PUS10: variants seen among roughly 807,000 people sequenced by gnomAD.
PUS10 encodes tRNA pseudouridine synthase Pus10.
In PUS10, 59 loss-of-function variants were observed where a neutral mutation model predicts 75.0. That is an observed-to-expected ratio of 0.79 (90% confidence interval 0.64 to 0.98). PUS10 has a LOEUF of 0.98. Among genes scored for constraint, PUS10 ranks in the 50% least tolerant of loss-of-function variants. PUS10 has a pLI of 0.00. For synonymous variants in PUS10, 219 were observed against 211.6 expected (o/e 1.03, Z -0.30); for missense variants, 650 against 614.4 (o/e 1.06, Z -0.61).
rs557908402 is a variant in PUS10, at chr2:61,013,477, T to G, written c.-15-1572A>C. On this transcript the variant is annotated intron_variant, in intron 1 of 17. Coordinates refer to ENST00000316752, the MANE Select transcript of PUS10 (RefSeq NM_144709.4). The stretch of plus-strand genomic sequence containing the variant: ...ATATTTCTATGTGCCATCCATACTT[T>G]GATGAACCTAAGCATAAAAATGGAC... Among the ~76,000 whole-genome samples, 13 of 152,320 alleles carry G rather than the reference T, an allele frequency of 8.5e-5. No homozygotes were observed. In the South Asian group the frequency reaches 2.5e-3, roughly 29 times the overall value.
intron 17 of PUS10, 28 bp downstream of exon 17, chr2:60,944,981 A>C (rs371267966): frequency 1.3e-6 from 2 of 1,534,730 alleles, no homozygotes; most frequent in South Asian, 2.2e-5. Context: ...CAATTTGCCA[A>C]TGTGCATTCC....
intron 4 of PUS10, 149 bp from the exon 5 acceptor site, chr2:60,971,706 T>C: frequency 1.4e-6 from 1 of 723,358 alleles, no homozygotes; most frequent in East Asian, 2.5e-5. Flanking sequence ...AATTTACCAG[T>C]GACCTCAGTC....
intron 5 of PUS10, 71 bp downstream of exon 5, chr2:60,971,452 G>A (rs1274678024): frequency 7.3e-7 from 1 of 1,371,398 alleles, no homozygotes; most frequent in East Asian, 2.3e-5. Flanking sequence ...GATTGTAGTA[G>A]TAAAAGTGCT....
At chr2:60,974,932 G>A (rs574865155) in intron 4 of PUS10, among the ~76,000 whole-genome samples, 4 of 152,306 alleles carry the variant, frequency 2.6e-5, no homozygotes, top group South Asian at 2.1e-4. Context: ...GGGCAAAGAC[G>A]CCACTGTCCA....
chr2:60,988,795 C>T (rs548643123), intron 4 of PUS10, among the ~76,000 whole-genome samples: 252 of 151,624 alleles, frequency 1.7e-3, no homozygotes, highest in South Asian at 6.2e-3. Flanking sequence ...GCCACCATAC[C>T]GGGTTAATTT....
intron 15 of PUS10, among the ~76,000 whole-genome samples, chr2:60,952,214 A>G (rs1369309298): frequency 4.0e-5 from 6 of 151,754 alleles, no homozygotes; most frequent in Non-Finnish European, 8.8e-5. Context: ...GGCGCCTATA[A>G]TCTCCGCTAC....
In PUS10 at chr2:60,948,066, G is replaced by C; in HGVS notation, c.1428C>G (p.Leu476=). The C allele has an allele frequency of 6.2e-7, 1 of 1,614,128 alleles. No individual in the cohort carries two copies. The highest frequency in any genetic ancestry group is 8.5e-7 in the Non-Finnish European group (1 of 1,180,004). ...TQYVDEHHFR[L]HLKTQAGTYI... The stretch of plus-strand genomic sequence containing the variant: ...ACGTGCCAGCCTGAGTTTTCAAGTG[G>C]AGGCGGAAGTGGTGCTCATCCACGT... Residue 476 remains leucine (L), a synonymous_variant, in exon 16 of 18, where the codon CTC becomes CTG. Coordinates refer to ENST00000316752, the MANE Select transcript of PUS10 (RefSeq NM_144709.4).
rs77622192 is a variant in PUS10, at chr2:60,951,425, T to C, written c.1308+1572A>G. On this transcript the variant is annotated intron_variant, in intron 15 of 17. Transcript: ENST00000316752. ...AATAATTTTACAGCTCACCATAATG[T>C]AGATTCAGTGGGAGCCCTGAGCTTG... 9.9e-5 allele frequency among the ~76,000 whole-genome samples: 15 copies of C among 152,278 alleles called. No homozygotes were observed. The East Asian group carries it at 2.9e-3, about 29-fold the overall frequency.
chr2:60,999,086 A>T (rs1307038545), intron 4 of PUS10, among the ~76,000 whole-genome samples: 4 of 152,204 alleles, frequency 2.6e-5, no homozygotes, highest in Non-Finnish European at 5.9e-5. Context: ...ACTACCCATG[A>T]AAAGAGACCA....
chr2:60,959,019 C>T (rs540978740), intron 11 of PUS10, among the ~76,000 whole-genome samples: 31 of 152,300 alleles, frequency 2.0e-4, no homozygotes, highest in African/African-American at 7.5e-4. Flanking sequence ...TGCCTTTGAC[C>T]TGACAGGCCT....
chr2:61,001,602 T>C (rs1678862758), intron 4 of PUS10, among the ~76,000 whole-genome samples: 1 of 152,206 alleles, frequency 6.6e-6, no homozygotes, highest in African/African-American at 2.4e-5. Flanking sequence ...TTGCATTAAT[T>C]TGACTTCACC....
At chr2:60,967,753 G>A (rs968091895) in intron 5 of PUS10, 140 bp from the exon 6 acceptor site, 1 of 546,440 alleles carries the variant, frequency 1.8e-6, no homozygotes, top group Non-Finnish European at 3.2e-6. Flanking sequence ...TAAATAGAAA[G>A]CAGAGAACAA....
At chr2:60,961,746 C>G (rs1439783328) in intron 9 of PUS10, among the ~76,000 whole-genome samples, 198 bp from the exon 10 acceptor site, 2 of 152,176 alleles carry the variant, frequency 1.3e-5, no homozygotes, top group Non-Finnish European at 2.9e-5. Context: ...AATAAGGGCT[C>G]TGCTGCTACC....
intron 4 of PUS10, among the ~76,000 whole-genome samples, chr2:60,983,217 C>G (rs1258011870): frequency 6.6e-6 from 1 of 151,682 alleles, no homozygotes; most frequent in Non-Finnish European, 1.5e-5. Flanking sequence ...TTACTATAAT[C>G]AGAATGAAAA....
chr2:60,952,925 A>G (rs367786051), intron 15 of PUS10, 72 bp downstream of exon 15: 171 of 889,022 alleles, frequency 1.9e-4, no homozygotes, highest in South Asian at 1.5e-3. Flanking sequence ...GCTAGTAATA[A>G]ATTAGAAGAC....
chr2:60,942,497 T>C, intron 17 of PUS10, 64 bp from the exon 18 acceptor site: 2 of 1,284,934 alleles, frequency 1.6e-6, no homozygotes, highest in East Asian at 2.3e-5. Flanking sequence ...TTGCTGGTAA[T>C]GCTGTATAAA....
rs1679428815 is a variant in PUS10 at position 61,008,998 on chromosome 2, T to C, written c.144A>G (p.Leu48=). The C allele has an allele frequency of 6.2e-7, 1 of 1,612,414 alleles. No homozygotes were observed. Among genetic ancestry groups the C allele is most frequent in the African/African-American group, 1.3e-5 (1 of 74,884 alleles). Residue 48 remains leucine, a synonymous_variant, in exon 3 of 18, where the codon CTA becomes CTG. Transcript: ENST00000316752. ...KLPYKELLNE[L]QKFLETEKDE... ...CTTTTTCAGTTTCCAGAAATTTCTG[T>C]AGTTCATTGAGCAACTCCTGGAAAG...
chr2:60,991,926 A>AT (rs1328045968), intron 4 of PUS10, among the ~76,000 whole-genome samples: 1 of 152,184 alleles, frequency 6.6e-6, no homozygotes, highest in Non-Finnish European at 1.5e-5. Flanking sequence ...CCCTGGGGCC[A>AT]GACCAATAAA....
At chr2:60,958,432 G>A (rs1675814356) in intron 11 of PUS10, among the ~76,000 whole-genome samples, 1 of 152,138 alleles carries the variant, frequency 6.6e-6, no homozygotes, top group Non-Finnish European at 1.5e-5. Context: ...CAAATTATAA[G>A]AGGGATGTGG....
Sources: allele counts gnomAD v4.1 joint callset (sites outside exome capture counted in the v4.1 genomes callset), GRCh38; gene constraint gnomAD v4.1.1; transcripts MANE v1.5; gene names NCBI Gene and HGNC (gene_info 2026-07-23, HGNC 2026-07-21).